APCDD1L: variants seen among roughly 807,000 people sequenced by gnomAD.
APCDD1L encodes APC down-regulated 1 like, also known as protein APCDD1-like.
Under a neutral mutation model 24.2 loss-of-function variants are expected in APCDD1L, and 21 were observed. That is an observed-to-expected ratio of 0.87 (90% CI 0.61 to 1.25). APCDD1L has a LOEUF of 1.25. Among genes scored for constraint, APCDD1L ranks in the 50% most tolerant of loss-of-function variants. The pLI is 0.00. For synonymous variants in APCDD1L, 321 were observed against 323.6 expected, an observed-to-expected ratio of 0.99 and a Z score of 0.09; for missense variants, 704 against 711.7, an observed-to-expected ratio of 0.99 and a Z score of 0.12.
At chr20:58,466,978 C>T in intron 3 of APCDD1L, 128 bp downstream of exon 3, 1 of 1,175,316 alleles carries the variant, frequency 8.5e-7, no homozygotes, top group South Asian at 1.6e-5. Flanking sequence ...TGGGGAGGGG[C>T]AGTGATGACA....
chr20:58,490,695 G>A (rs1990208605), intron 1 of APCDD1L, among the ~76,000 whole-genome samples: 1 of 152,208 alleles, frequency 6.6e-6, no homozygotes, highest in African/African-American at 2.4e-5. Flanking sequence ...AATATGCTAT[G>A]TTTTCAAAAA....
At chr20:58,491,740 A>T (rs540768408) in intron 1 of APCDD1L, among the ~76,000 whole-genome samples, 7 of 152,220 alleles carry the variant, frequency 4.6e-5, no homozygotes, top group Non-Finnish European at 8.8e-5. Context: ...ATGGTTATAA[A>T]ATGTATATGA....
chr20:58,511,646 A>C (rs1990629796), intron 1 of APCDD1L, among the ~76,000 whole-genome samples: 1 of 152,232 alleles, frequency 6.6e-6, no homozygotes, highest in African/African-American at 2.4e-5. Context: ...TAGCAAGAGG[A>C]AGTCTCCATT....
rs1369158286 is a variant in APCDD1L, at chr20:58,460,464, CCT to C, written c.*324_*325del. 4 of 223,972 alleles carry C rather than the reference CCT, an allele frequency of 1.8e-5. No individual in the cohort carries two copies. Among genetic ancestry groups the C allele is most frequent in the Non-Finnish European group, 2.6e-5 (3 of 114,068 alleles). 13.9% of individuals were successfully genotyped at this position (223,972 alleles called of 1,614,324 possible). On this transcript the variant is annotated 3_prime_UTR_variant, in exon 4 of 4. Transcript: ENST00000371149. This position sits in a 1 kb window ranked among gnomAD's most constrained non-coding sequence, Gnocchi z 4.2. ...GGGATGGGGGTGTTCCGTGTGGCCC[CCT>C]GACTGCACCTGTTGGCGAGCTGCCA...
At chr20:58,505,846 G>A (rs888220531) in intron 1 of APCDD1L, among the ~76,000 whole-genome samples, 5 of 152,150 alleles carry the variant, frequency 3.3e-5, no homozygotes, top group Non-Finnish European at 5.9e-5. Context: ...ATTAGAAAAG[G>A]AGATGAGACA....
rs1989566942 is a variant in APCDD1L at position 58,460,092 on chromosome 20, A to G, written c.*698T>C. ...TCTTCATTTTGCATGCTGGCCCGGGAAAACTGGATTTATCCACATGCAGTG... is the reference window on the plus strand; with the variant it reads ...TCTTCATTTTGCATGCTGGCCCGGGGAAACTGGATTTATCCACATGCAGTG... On this transcript the variant is annotated 3_prime_UTR_variant, in exon 4 of 4. Coordinates refer to ENST00000371149, the MANE Select transcript of APCDD1L (RefSeq NM_153360.3). This position sits in a 1 kb window ranked among gnomAD's most constrained non-coding sequence, Gnocchi z 4.2. The G allele has an allele frequency of 6.6e-6, 1 of 152,188 alleles. No homozygotes were observed. Among genetic ancestry groups the G allele is most frequent in the South Asian group, 2.1e-4 (1 of 4,832 alleles). The allele number at this position is 152,188 out of a possible 1,614,324, so 9.4% of individuals were successfully genotyped here. A position where few individuals can be genotyped will look rare whatever the true frequency, so the allele number is the denominator to read the frequency against.
chr20:58,462,843 C>CAAA (rs59846654), intron 3 of APCDD1L, among the ~76,000 whole-genome samples: 27 of 114,278 alleles, frequency 2.4e-4, no homozygotes, highest in African/African-American at 6.7e-4. Flanking sequence ...GACACCATCT[C>CAAA]AAAAAAAAAA....
chr20:58,490,519 C>T (rs562566376), intron 1 of APCDD1L, among the ~76,000 whole-genome samples: 10 of 152,306 alleles, frequency 6.6e-5, no homozygotes, highest in South Asian at 2.1e-4. Context: ...CACAAACTTA[C>T]GGCACTAACT....
chr20:58,469,817 T>C (rs1414239711), intron 2 of APCDD1L, among the ~76,000 whole-genome samples: 7 of 152,196 alleles, frequency 4.6e-5, no homozygotes, highest in African/African-American at 1.4e-4. Flanking sequence ...GGCCAGTCCT[T>C]GACCCCAGAA....
chr20:58,476,320 A>G (rs1310666146), intron 1 of APCDD1L, among the ~76,000 whole-genome samples: 2 of 152,192 alleles, frequency 1.3e-5, no homozygotes, highest in East Asian at 3.8e-4. Flanking sequence ...CCTCCTGAGT[A>G]GCTGGGACTA....
At chr20:58,483,498 C>T (rs187115774) in intron 1 of APCDD1L, among the ~76,000 whole-genome samples, 4 of 152,248 alleles carry the variant, frequency 2.6e-5, no homozygotes, top group South Asian at 2.1e-4. Flanking sequence ...ATAACTGACA[C>T]GTCAATCCTG....
chr20:58,494,307 TCTTC>T lies in APCDD1L; in HGVS notation c.49+20348_49+20351del, dbSNP rs1357233138. Among the ~76,000 whole-genome samples, 2 of 151,854 alleles carry T rather than the reference TCTTC, an allele frequency of 1.3e-5. No individual in the cohort carries two copies. Among genetic ancestry groups the T allele is most frequent in the African/African-American group, 4.8e-5 (2 of 41,292 alleles). ...TTTCTTACTTTTCTTTTCTCTTCTC[TCTTC>T]TCTTCTCTTCTTTTCCTTTCCTTTC... On this transcript the variant is annotated intron_variant, in intron 1 of 3. Transcript: ENST00000371149. This position sits in a 1 kb window ranked among gnomAD's most constrained non-coding sequence, Gnocchi z 4.8.
At chr20:58,477,459 G>A in intron 1 of APCDD1L, among the ~76,000 whole-genome samples, 1 of 152,216 alleles carries the variant, frequency 6.6e-6, no homozygotes, top group Non-Finnish European at 1.5e-5. Flanking sequence ...TGGTAAGAAT[G>A]TTGTGGAAGC....
intron 1 of APCDD1L, among the ~76,000 whole-genome samples, chr20:58,478,380 C>CTTCCTTCCTTCCT (rs1989954206): frequency 6.6e-6 from 1 of 151,660 alleles, no homozygotes; most frequent in Non-Finnish European, 1.5e-5. Flanking sequence ...TCCTTCCTTC[C>CTTCCTTCCTTCCT]TTCCCTCTGT....
chr20:58,467,025 G>A lies in APCDD1L; in HGVS notation c.741+81C>T. 1 of 1,489,896 alleles carries A rather than the reference G, an allele frequency of 6.7e-7. No individual in the cohort carries two copies. Among genetic ancestry groups the A allele is most frequent in the Non-Finnish European group, 8.9e-7 (1 of 1,124,408 alleles). The allele number at this position is 1,489,896 out of a possible 1,614,324, so 92.3% of individuals were successfully genotyped here. A position where few individuals can be genotyped will look rare whatever the true frequency, so the allele number is the denominator to read the frequency against. The stretch of plus-strand genomic sequence containing the variant: ...AGAGCCCTGGGCAGGCCCAGGTCTT[G>A]CAAAGCTGCGGGGCTGGGTTCCGAG... On this transcript the variant is annotated intron_variant, in intron 3 of 3. Transcript: ENST00000371149. The surrounding 1 kb of genome is among the most constrained non-coding windows in gnomAD (Gnocchi z 5.9).
intron 3 of APCDD1L, among the ~76,000 whole-genome samples, chr20:58,462,683 G>C (rs1989631018): frequency 6.6e-6 from 1 of 151,802 alleles, no homozygotes; most frequent in South Asian, 2.1e-4. Context: ...ATCTCTACTA[G>C]AAATACAAAA....
Position 58,508,492 on chromosome 20 carries a change from CT to C in APCDD1L, c.49+6166del, listed in dbSNP as rs563000313. On this transcript the variant is annotated intron_variant, in intron 1 of 3. Coordinates refer to ENST00000371149, the MANE Select transcript of APCDD1L (RefSeq NM_153360.3). The surrounding 1 kb of genome is among the most constrained non-coding windows in gnomAD (Gnocchi z 4.0). ...AGGCTTTTAAATCTCAAAATGCCCC[CT>C]GAAGTGGTTGACATCCTCGATTAGA... Among the ~76,000 whole-genome samples, 168 of 152,296 alleles carry C rather than the reference CT, an allele frequency of 1.1e-3. No homozygotes were observed. The highest frequency in any genetic ancestry group is 1.6e-3 in the Non-Finnish European group (112 of 68,028).
rs1218410591 is a variant in APCDD1L at position 58,461,306 on chromosome 20, C to T, written c.990G>A (p.Val330=). The T allele has an allele frequency of 6.2e-7, 1 of 1,608,862 alleles. No homozygotes were observed. The highest frequency in any genetic ancestry group is 1.1e-5 in the South Asian group (1 of 90,760). Residue 330 remains valine, a synonymous_variant, in exon 4 of 4, where the codon GTG becomes GTA. Coordinates refer to ENST00000371149, the MANE Select transcript of APCDD1L (RefSeq NM_153360.3). This position sits in a 1 kb window ranked among gnomAD's most constrained non-coding sequence, Gnocchi z 6.0. ...CCCTGGTGTAGCGGCCGGCGGCATA[C>T]ACGGTGAAGGTGGGCTGCCGGCAGG... ...DPACRQPTFT[V]YAAGRYTRGT...
chr20:58,508,244 G>A lies in APCDD1L; in HGVS notation c.49+6415C>T, dbSNP rs557486083. Among the ~76,000 whole-genome samples the A allele has an allele frequency of 6.6e-6, 1 of 152,344 alleles. No homozygotes were observed. Among genetic ancestry groups the A allele is most frequent in the South Asian group, 2.1e-4 (1 of 4,826 alleles). ...AGGAATGCAGCTGATGGACAGGCTG[G>A]TGGGCTCTGAGTGACTGCTTCATGG... On this transcript the variant is annotated intron_variant, in intron 1 of 3. Coordinates refer to ENST00000371149, the MANE Select transcript of APCDD1L (RefSeq NM_153360.3). The surrounding 1 kb of genome is among the most constrained non-coding windows in gnomAD (Gnocchi z 4.0).
Sources: allele counts gnomAD v4.1 joint callset (sites outside exome capture counted in the v4.1 genomes callset), GRCh38; gene constraint gnomAD v4.1.1; non-coding constraint Gnocchi (gnomAD v3.1); transcripts MANE v1.5; gene names NCBI Gene and HGNC (gene_info 2026-07-23, HGNC 2026-07-21).